The following SMARCC1 variants were observed in gnomAD, a reference collection of about 807,000 sequenced individuals.
SMARCC1 encodes the protein SWI/SNF related BAF chromatin remodeling complex subunit C1.
SMARCC1 carries 43 observed loss-of-function variants against 147.4 expected under a neutral mutation model. That is an observed-to-expected ratio of 0.29 (90% CI 0.23 to 0.38). The LOEUF (loss-of-function observed/expected upper bound fraction) is 0.38, where lower values mean the gene tolerates loss of function less well. SMARCC1 is among the 10% of genes least tolerant of loss of function. The pLI, the probability that SMARCC1 is intolerant of heterozygous loss-of-function variation, is 1.00. For missense variants in SMARCC1, 1,119 were observed against 1,381.1 expected, an observed-to-expected ratio of 0.81 and a Z score of 3.01; for synonymous variants, 495 against 484.4, an observed-to-expected ratio of 1.02 and a Z score of -0.29.
intron 26 of SMARCC1, among the ~76,000 whole-genome samples, chr3:47,607,640 C>T (rs758368073): frequency 2.0e-5 from 3 of 152,164 alleles, no homozygotes; most frequent in Admixed American, 1.3e-4. Context: ...TTTAATGATG[C>T]TGGCAGTTAA....
At chr3:47,705,323 C>A (rs1480890835) in intron 10 of SMARCC1, among the ~76,000 whole-genome samples, 595 of 103,514 alleles carry the variant, frequency 5.7e-3, no homozygotes, top group African/African-American at 0.017. Flanking sequence ...GACTCCGTCT[C>A]AAAAAAAAAA....
chr3:47,723,948 T>G (rs964165366), intron 6 of SMARCC1, among the ~76,000 whole-genome samples: 1 of 151,818 alleles, frequency 6.6e-6, no homozygotes, highest in African/African-American at 2.4e-5. Context: ...ACAATGAAAA[T>G]CAAAACAATG....
At chr3:47,775,164 CTT>C (rs756039956) in intron 1 of SMARCC1, among the ~76,000 whole-genome samples, 25 of 138,632 alleles carry the variant, frequency 1.8e-4, no homozygotes, top group Non-Finnish European at 1.6e-4. Context: ...CAACATAGTA[CTT>C]TTTTTTTTTT....
At chr3:47,735,431 G>A (rs2034430418) in intron 5 of SMARCC1, among the ~76,000 whole-genome samples, 1 of 152,116 alleles carries the variant, frequency 6.6e-6, no homozygotes, top group Non-Finnish European at 1.5e-5. Flanking sequence ...GAGGCTGGAG[G>A]ATGACTTGAA....
At chr3:47,773,308 G>C (rs2034937274) in intron 1 of SMARCC1, among the ~76,000 whole-genome samples, 2 of 150,938 alleles carry the variant, frequency 1.3e-5, no homozygotes, top group Admixed American at 1.3e-4. Flanking sequence ...TGTATTTTTA[G>C]TAGAGACGGG....
chr3:47,665,027 C>G (rs2033404463), intron 19 of SMARCC1, among the ~76,000 whole-genome samples: 1 of 151,904 alleles, frequency 6.6e-6, no homozygotes, highest in South Asian at 2.1e-4. Flanking sequence ...GAGACATGTT[C>G]TCACTGTATT....
At chr3:47,664,522 C>T (rs2033398142) in intron 19 of SMARCC1, among the ~76,000 whole-genome samples, 1 of 151,704 alleles carries the variant, frequency 6.6e-6, no homozygotes, top group Non-Finnish European at 1.5e-5. Context: ...CTGAAAGAAA[C>T]CAACAAAAAG....
chr3:47,643,231 C>G (rs1186039299), intron 21 of SMARCC1, among the ~76,000 whole-genome samples: 2 of 152,154 alleles, frequency 1.3e-5, no homozygotes, highest in African/African-American at 4.8e-5. Flanking sequence ...ACAGCAAGCT[C>G]AGTGATGCAA....
chr3:47,775,679 G>C (rs933295451), intron 1 of SMARCC1, among the ~76,000 whole-genome samples: 2 of 151,672 alleles, frequency 1.3e-5, no homozygotes, highest in Admixed American at 6.6e-5. Context: ...GGCTGAGGGA[G>C]GAGAATCGCT....
chr3:47,709,867 T>C (rs2106797380), intron 9 of SMARCC1, among the ~76,000 whole-genome samples: 1 of 152,148 alleles, frequency 6.6e-6, no homozygotes, highest in African/African-American at 2.4e-5. Context: ...CAAGGAATCA[T>C]GGGTAAATAT....
chr3:47,721,188 C>G (rs984677510), intron 6 of SMARCC1, among the ~76,000 whole-genome samples: 1 of 152,128 alleles, frequency 6.6e-6, no homozygotes, highest in Non-Finnish European at 1.5e-5. Context: ...TTACTAACTA[C>G]TCTGCTTCCT....
chr3:47,684,035 G>A (rs1476063794), intron 14 of SMARCC1, among the ~76,000 whole-genome samples: 1 of 152,084 alleles, frequency 6.6e-6, no homozygotes, highest in Non-Finnish European at 1.5e-5. Context: ...GGCGGATCAC[G>A]AGGTCAGGAG....
chr3:47,631,267 A>G (rs962641780), intron 24 of SMARCC1, among the ~76,000 whole-genome samples: 4 of 152,210 alleles, frequency 2.6e-5, no homozygotes, highest in Non-Finnish European at 5.9e-5. Flanking sequence ...CCCAATTACC[A>G]TGTTGCCACG....
intron 5 of SMARCC1, 130 bp downstream of exon 5, chr3:47,735,904 A>G: frequency 2.1e-6 from 1 of 481,240 alleles, no homozygotes; most frequent in Non-Finnish European, 3.6e-6. Flanking sequence ...AAACTCAAGA[A>G]AAAAATTTCT....
intron 2 of SMARCC1, among the ~76,000 whole-genome samples, chr3:47,764,030 G>GA (rs994477769): frequency 2.2e-4 from 32 of 145,600 alleles, no homozygotes; most frequent in Non-Finnish European, 3.6e-4. Flanking sequence ...TTCTCTTTAG[G>GA]AAAAAAAAAA....
intron 2 of SMARCC1, among the ~76,000 whole-genome samples, chr3:47,762,883 G>A (rs901856226): frequency 4.6e-5 from 7 of 152,002 alleles, no homozygotes; most frequent in Admixed American, 3.9e-4. Flanking sequence ...TGGCTAACAC[G>A]GTGAAACCCT....
At chr3:47,663,829 C>T in intron 19 of SMARCC1, 1 of 1,581,432 alleles carries the variant, frequency 6.3e-7, no homozygotes, top group East Asian at 2.2e-5. Context: ...GGGGCAACAG[C>T]CAGCGCTCTC....
chr3:47,748,580 C>T (rs891805367), intron 2 of SMARCC1, among the ~76,000 whole-genome samples: 4 of 135,434 alleles, frequency 3.0e-5, no homozygotes, highest in Admixed American at 7.6e-5. Flanking sequence ...ACTATAATAG[C>T]TAAAATCTAT....
chr3:47,747,671 G>A (rs1231951205), intron 2 of SMARCC1, among the ~76,000 whole-genome samples: 2 of 151,576 alleles, frequency 1.3e-5, no homozygotes, highest in Admixed American at 1.3e-4. Context: ...AATCAAAATG[G>A]TTCCAAAGAA....
Sources: gnomAD v4.1 joint callset for allele counts (sites outside exome capture counted in the v4.1 genomes callset) on GRCh38, gnomAD v4.1.1 for gene constraint, MANE v1.5 for transcripts, NCBI Gene and HGNC (gene_info 2026-07-23, HGNC 2026-07-21) for gene names.